The following OPRM1 variants were observed in gnomAD, a reference collection of about 807,000 sequenced individuals.
OPRM1 encodes the protein mu-type opioid receptor.
Under a neutral mutation model 31.8 loss-of-function variants are expected in OPRM1, and 27 were observed. The ratio of observed to expected loss-of-function variants is 0.85; its 90% CI spans 0.63 to 1.17. The LOEUF (loss-of-function observed/expected upper bound fraction) is 1.17. Among genes scored for constraint, OPRM1 ranks in the 50% most tolerant of loss-of-function variants. OPRM1 has a pLI of 0.00. For synonymous variants in OPRM1, 196 were observed against 189.9 expected (o/e 1.03, Z -0.26); for missense variants, 536 against 511.1 (o/e 1.05, Z -0.47).
At chr6:154,037,139 T>A (rs1779351500), upstream of OPRM1, among the ~76,000 whole-genome samples, 1 of 151,974 alleles carries the variant, frequency 6.6e-6, no homozygotes, top group Non-Finnish European at 1.5e-5. Flanking sequence ...CAACTATAAA[T>A]TTATAGGAGA....
intron 1 of OPRM1, among the ~76,000 whole-genome samples, chr6:154,047,832 A>G (rs1387658647): frequency 1.3e-5 from 2 of 152,218 alleles, no homozygotes; most frequent in African/African-American, 2.4e-5. Context: ...TGGGTGGCTT[A>G]CAAACTACAG....
intron 1 of OPRM1, among the ~76,000 whole-genome samples, chr6:154,017,655 G>A (rs1778083716): frequency 6.6e-6 from 1 of 152,104 alleles, no homozygotes; most frequent in Non-Finnish European, 1.5e-5. Context: ...AAGGGATAAA[G>A]GGAAGAAGTC....
Position 154,168,043 on chromosome 6 carries a change from A to G in OPRM1, c.1164+76571A>G, listed in dbSNP as rs1799573809. ...TCGAAGGTCGTCGGTCCCCAAGAGG[A>G]GATAGACTAGCTTGCTCTAATGATT... On this transcript the variant is annotated intron_variant, in intron 3 of 3. Transcript: ENST00000337049. The surrounding 1 kb of genome is among the most constrained non-coding windows in gnomAD (Gnocchi z 4.1). The G allele has an allele frequency of 6.2e-7, 1 of 1,610,318 alleles. No homozygotes were observed. Among genetic ancestry groups the G allele is most frequent in the South Asian group, 1.1e-5 (1 of 90,674 alleles).
intron 1 of OPRM1, among the ~76,000 whole-genome samples, chr6:154,048,627 G>A (rs2128411908): frequency 6.6e-6 from 1 of 152,268 alleles, no homozygotes; most frequent in Admixed American, 6.5e-5. Flanking sequence ...TAGCAATTCA[G>A]ATGTACCTCA....
chr6:154,167,730 C>T (rs965614269), intron 3 of OPRM1, among the ~76,000 whole-genome samples: 6 of 152,084 alleles, frequency 3.9e-5, no homozygotes, highest in African/African-American at 1.2e-4. Context: ...CTGCCTTGGG[C>T]GCTACTGTGT....
chr6:154,172,671 G>T (rs191554509), intron 3 of OPRM1, among the ~76,000 whole-genome samples: 2 of 152,234 alleles, frequency 1.3e-5, no homozygotes, highest in Non-Finnish European at 2.9e-5. Context: ...CGAACTGGGC[G>T]GAGCCCACTG....
chr6:154,096,160 G>C (rs981530740), intron 3 of OPRM1, among the ~76,000 whole-genome samples: 1 of 152,088 alleles, frequency 6.6e-6, no homozygotes, highest in Admixed American at 6.5e-5. Flanking sequence ...TGGTTCAAAC[G>C]ATTCTCCTGC....
intron 1 of OPRM1, among the ~76,000 whole-genome samples, chr6:154,011,621 A>G (rs1298763829): frequency 2.0e-5 from 3 of 152,172 alleles, no homozygotes; most frequent in African/African-American, 7.2e-5. Context: ...GTTCAAGAAA[A>G]AGTAAAAATT....
At chr6:154,086,814 A>G (rs761440939) in intron 1 of OPRM1, 338 of 985,434 alleles carry the variant, frequency 3.4e-4, no homozygotes, top group Non-Finnish European at 3.9e-4. Context: ...TCTTTAGATC[A>G]TGCAGGTCTA....
chr6:154,089,989 A>G lies in OPRM1; in HGVS notation c.454A>G (p.Asn152Asp), dbSNP rs17174801. Residue 152 changes from asparagine to aspartate, a missense_variant, in exon 2 of 4, where the codon AAC becomes GAC. By Grantham distance (23) the Asn-to-Asp change is conservative (BLOSUM62 1). Coordinates refer to ENST00000330432, the MANE Select transcript of OPRM1 (RefSeq NM_000914.5). ...GATAGTGATCTCCATAGATTACTAT[A>G]ACATGTTCACCAGCATATTCACCCT... ...CKIVISIDYYNMFTSIFTLCT... is the reference protein window; with the variant it reads ...CKIVISIDYYDMFTSIFTLCT... 853 of 1,614,090 alleles carry G rather than the reference A, an allele frequency of 5.3e-4. 4 individuals are homozygous for G. The African/African-American group carries it at 0.01, about 20-fold the overall frequency.
chr6:154,042,138 T>C (rs982018372), intron 1 of OPRM1, among the ~76,000 whole-genome samples: 1 of 152,234 alleles, frequency 6.6e-6, no homozygotes, highest in African/African-American at 2.4e-5. Flanking sequence ...AACACCCACC[T>C]GTGGCAGGCT....
chr6:154,192,318 C>CTGTGTGTTTGTGTGTGTGTGTGTG (rs374502866), intron 3 of OPRM1, among the ~76,000 whole-genome samples: 1 of 148,028 alleles, frequency 6.8e-6, no homozygotes, highest in Non-Finnish European at 1.5e-5. Context: ...CACGTGGTTA[C>CTGTGTGTTTGTGTGTGTGTGTGTG]TGTGTGTGTG....
chr6:154,107,346 A>G, intron 3 of OPRM1: 1 of 627,808 alleles, frequency 1.6e-6, no homozygotes, highest in Non-Finnish European at 2.9e-6. Context: ...TGGCTTTTGA[A>G]CTTCACCAAA....
chr6:154,039,440 GAGCTGTGGC>G lies in OPRM1; in HGVS notation c.-101_-93del. 1 of 1,551,748 alleles carries G rather than the reference GAGCTGTGGC, an allele frequency of 6.4e-7. No individual in the cohort carries two copies. The highest frequency in any genetic ancestry group is 8.7e-7 in the Non-Finnish European group (1 of 1,147,032). On this transcript the variant is annotated 5_prime_UTR_variant, in exon 1 of 4. Transcript: ENST00000330432. ...GACTGGTTTCTGTAAGAAACAGCAGGAGCTGTGGCAGCGGCGAAAGGAAGCGGCTGAGGC... is the reference window on the plus strand; with the variant it reads ...GACTGGTTTCTGTAAGAAACAGCAGGAGCGGCGAAAGGAAGCGGCTGAGGC...
intron 1 of OPRM1, among the ~76,000 whole-genome samples, chr6:154,056,968 T>TA (rs1306051262): frequency 6.6e-6 from 1 of 152,212 alleles, no homozygotes; most frequent in Non-Finnish European, 1.5e-5. Context: ...GTAGTCCTAT[T>TA]AAAAGCAGAT....
At chr6:154,021,925 C>T (rs1778398799) in intron 1 of OPRM1, among the ~76,000 whole-genome samples, 1 of 151,252 alleles carries the variant, frequency 6.6e-6, no homozygotes, top group African/African-American at 2.5e-5. Context: ...CTATTTTTTT[C>T]TTCTTCTTCC....
intron 3 of OPRM1, among the ~76,000 whole-genome samples, chr6:154,145,319 T>A (rs1413342759): frequency 6.6e-6 from 1 of 152,196 alleles, no homozygotes; most frequent in Admixed American, 6.5e-5. Context: ...AATCACAGAA[T>A]TGAAGATGAA....
intron 3 of OPRM1, among the ~76,000 whole-genome samples, chr6:154,196,097 T>C (rs887002345): frequency 2.0e-5 from 3 of 152,110 alleles, no homozygotes; most frequent in African/African-American, 4.8e-5. Flanking sequence ...GTCCCCCTGG[T>C]TCACATTTTA....
At chr6:154,209,337 C>T (rs1777769004) in intron 3 of OPRM1, among the ~76,000 whole-genome samples, 1 of 152,198 alleles carries the variant, frequency 6.6e-6, no homozygotes, top group African/African-American at 2.4e-5. Flanking sequence ...GGGCCAAACA[C>T]TAGCTCAATT....
Sources: gnomAD v4.1 joint callset for allele counts (sites outside exome capture counted in the v4.1 genomes callset) on GRCh38, gnomAD v4.1.1 for gene constraint, Gnocchi (gnomAD v3.1) non-coding constraint, MANE v1.5 for transcripts, NCBI Gene and HGNC (gene_info 2026-07-23, HGNC 2026-07-21) for gene names.